AOPEP: variants seen among roughly 807,000 people sequenced by gnomAD.
AOPEP encodes aminopeptidase O.
A neutral mutation model predicts 98.1 loss-of-function variants in AOPEP; 77 were observed. The observed-to-expected ratio is 0.78, with a 90% CI of 0.65 to 0.95. The LOEUF (loss-of-function observed/expected upper bound fraction) is 0.95, where lower values mean the gene tolerates loss of function less well. AOPEP is among the 40% of genes least tolerant of loss of function. AOPEP has a pLI of 0.00. For synonymous variants in AOPEP, 346 were observed against 365.3 expected, an observed-to-expected ratio of 0.95 and a Z score of 0.60; for missense variants, 1,024 against 1,024.7, an observed-to-expected ratio of 1.00 and a Z score of 0.01.
intron 11 of AOPEP, among the ~76,000 whole-genome samples, chr9:94,997,568 G>A (rs547724101): frequency 6.6e-6 from 1 of 152,230 alleles, no homozygotes; most frequent in Non-Finnish European, 1.5e-5. Context: ...CACTCTCAGA[G>A]ATGTGAACCT....
intron 5 of AOPEP, among the ~76,000 whole-genome samples, chr9:94,878,603 A>C (rs1396147384): frequency 2.6e-5 from 4 of 152,174 alleles, no homozygotes; most frequent in Non-Finnish European, 5.9e-5. Flanking sequence ...AGGAGAGTGG[A>C]ACATCCATTA....
At chr9:94,768,209 A>G (rs1840057171) in intron 2 of AOPEP, among the ~76,000 whole-genome samples, 2 of 152,124 alleles carry the variant, frequency 1.3e-5, no homozygotes, top group Admixed American at 1.3e-4. Context: ...GGCCTCATCA[A>G]GCCACACATG....
intron 16 of AOPEP, chr9:95,085,606 GCA>G (rs1242972629): frequency 7.3e-6 from 3 of 411,976 alleles, no homozygotes; most frequent in Admixed American, 6.5e-5. Context: ...GGCCGCTGCT[GCA>G]CAGTCAGCTT....
chr9:95,095,698 C>T, the AOPEP span, among the ~76,000 whole-genome samples: 1 of 152,128 alleles, frequency 6.6e-6, no homozygotes, highest in African/African-American at 2.4e-5. Flanking sequence ...CACGGCCTGG[C>T]CTGAAAGGAG....
At chr9:94,820,712 C>G (rs1306152941) in intron 5 of AOPEP, among the ~76,000 whole-genome samples, 1 of 152,186 alleles carries the variant, frequency 6.6e-6, no homozygotes, top group African/African-American at 2.4e-5. Context: ...TCTTATTTAT[C>G]CTTCACTAGT....
At chr9:94,820,582 C>A (rs1478448640) in intron 5 of AOPEP, among the ~76,000 whole-genome samples, 1 of 152,042 alleles carries the variant, frequency 6.6e-6, no homozygotes, top group Admixed American at 6.6e-5. Context: ...TGACTTTTTC[C>A]AAAATTTTAC....
chr9:94,755,416 C>T (rs1255479263), intron 1 of AOPEP, among the ~76,000 whole-genome samples: 1 of 152,174 alleles, frequency 6.6e-6, no homozygotes, highest in Non-Finnish European at 1.5e-5. Flanking sequence ...GCGTTACGTA[C>T]TTGCAGAGAG....
chr9:95,004,521 G>A (rs1167199075), intron 11 of AOPEP, among the ~76,000 whole-genome samples: 1 of 152,128 alleles, frequency 6.6e-6, no homozygotes, highest in African/African-American at 2.4e-5. Context: ...ACCCGGTCCC[G>A]GAGAAAACTC....
At chr9:95,137,905 G>C in the AOPEP span, among the ~76,000 whole-genome samples, 1 of 152,260 alleles carries the variant, frequency 6.6e-6, no homozygotes, top group Admixed American at 6.5e-5. Context: ...GGCAGAGAGA[G>C]GAGAGGAGTG....
intron 3 of AOPEP, among the ~76,000 whole-genome samples, chr9:94,785,802 G>C (rs1379969842): frequency 6.6e-6 from 1 of 152,212 alleles, no homozygotes; most frequent in Non-Finnish European, 1.5e-5. Context: ...GAATCAAAAG[G>C]AAAATGAAGG....
intron 3 of AOPEP, among the ~76,000 whole-genome samples, chr9:94,789,508 A>G (rs1845176518): frequency 1.3e-5 from 2 of 151,980 alleles, no homozygotes; most frequent in Admixed American, 6.6e-5. Flanking sequence ...CTTACCCATA[A>G]CTTCTTGCTT....
chr9:95,050,706 C>T (rs752526445), intron 13 of AOPEP, among the ~76,000 whole-genome samples: 7 of 152,116 alleles, frequency 4.6e-5, no homozygotes, highest in Admixed American at 6.5e-5. Context: ...CAGAAACCAC[C>T]TGACAAATTG....
intron 7 of AOPEP, among the ~76,000 whole-genome samples, chr9:94,935,988 T>C (rs1396406351): frequency 6.6e-6 from 1 of 152,216 alleles, no homozygotes; most frequent in Non-Finnish European, 1.5e-5. Flanking sequence ...ACTCCTTCCC[T>C]GGGAGCCATT....
intron 5 of AOPEP, among the ~76,000 whole-genome samples, chr9:94,899,616 G>A (rs111876266): frequency 2.6e-5 from 4 of 151,622 alleles, no homozygotes; most frequent in Admixed American, 6.6e-5. Context: ...CAGACGTGGC[G>A]GTGTGCACCT....
chr9:94,872,263 A>G (rs1229852521), intron 5 of AOPEP, among the ~76,000 whole-genome samples: 1 of 152,156 alleles, frequency 6.6e-6, no homozygotes, highest in Non-Finnish European at 1.5e-5. Context: ...CGGGGGCAGT[A>G]GTCATTCTTC....
At chr9:94,728,459 A>G (rs1829780508) in intron 1 of AOPEP, among the ~76,000 whole-genome samples, 1 of 152,194 alleles carries the variant, frequency 6.6e-6, no homozygotes, top group Non-Finnish European at 1.5e-5. Context: ...TGCCTTCTTA[A>G]ACACTCAGGA....
At chr9:95,068,920 C>CT (rs1454954411) in intron 14 of AOPEP, among the ~76,000 whole-genome samples, 1 of 152,036 alleles carries the variant, frequency 6.6e-6, no homozygotes, top group East Asian at 1.9e-4. Context: ...TGGTGGGTTT[C>CT]TTTTCCTTTT....
At chr9:94,948,634 G>A (rs2057867117) in intron 7 of AOPEP, among the ~76,000 whole-genome samples, 1 of 152,078 alleles carries the variant, frequency 6.6e-6, no homozygotes, top group Non-Finnish European at 1.5e-5. Flanking sequence ...CAGAGCTATA[G>A]CCTGTCCCTC....
chr9:95,011,204 G>A (rs548444008), intron 13 of AOPEP, among the ~76,000 whole-genome samples: 5 of 130,808 alleles, frequency 3.8e-5, no homozygotes, highest in Non-Finnish European at 6.3e-5. Flanking sequence ...AATTTCCCTA[G>A]CCATTGATTT....
Sources: gnomAD v4.1 joint callset for allele counts (sites outside exome capture counted in the v4.1 genomes callset) on GRCh38, gnomAD v4.1.1 for gene constraint, MANE v1.5 for transcripts, NCBI Gene and HGNC (gene_info 2026-07-23, HGNC 2026-07-21) for gene names.